Variants in CD163 observed in about 807,000 individuals in gnomAD.
The protein encoded by CD163 is CD163 molecule, also known as scavenger receptor cysteine-rich type 1 protein M130.
CD163 carries 64 observed loss-of-function variants against 129.2 expected under a neutral mutation model. The observed-to-expected ratio is 0.50, with a 90% CI of 0.41 to 0.61. CD163 has a LOEUF of 0.61. Among genes scored for constraint, CD163 ranks in the 20% least tolerant of loss-of-function variants. CD163 has a pLI of 0.00. For synonymous variants in CD163, 446 were observed against 478.5 expected (o/e 0.93, Z 0.89); for missense variants, 1,061 against 1,377.9 (o/e 0.77, Z 3.64).
At chr12:7,480,840 AC>A (rs1378186032) in intron 15 of CD163, 94 of 984,544 alleles carry the variant, frequency 9.5e-5, no homozygotes, top group Non-Finnish European at 1.1e-4. Flanking sequence ...AAAAAGTTAA[AC>A]TGTCACTTAT....
chr12:7,475,636 T>G (rs1032796739), intron 16 of CD163, among the ~76,000 whole-genome samples: 2 of 152,154 alleles, frequency 1.3e-5, no homozygotes, highest in African/African-American at 2.4e-5. Flanking sequence ...AATATAATAT[T>G]GAATGGGCAA....
intron 16 of CD163, among the ~76,000 whole-genome samples, chr12:7,476,012 T>A (rs1197090047): frequency 6.6e-6 from 1 of 152,040 alleles, no homozygotes; most frequent in African/African-American, 2.4e-5. Context: ...ATAAAATACC[T>A]AGGAATACAA....
In CD163 at chr12:7,482,909, A is replaced by G. The variant is rs368093638; in HGVS notation, c.3127+57T>C. 2.0e-4 allele frequency: 314 copies of G among 1,596,592 alleles called. No homozygotes were observed. The Middle Eastern group carries it at 0.013, about 68-fold the overall frequency. ...ACGTCTGACCTAAAATTTCTAAACA[A>G]GAAAAATTCTATGTATGCAGATAAT... On this transcript the variant is annotated intron_variant, in intron 13 of 16. Coordinates refer to ENST00000432237, the MANE Select transcript of CD163 (RefSeq NM_203416.4).
At chr12:7,480,322 T>A (rs1949145079) in intron 15 of CD163, 1 of 204,822 alleles carries the variant, frequency 4.9e-6, no homozygotes, top group African/African-American at 2.4e-5. Context: ...AGTAAAGTCA[T>A]CCTGCCCAGA....
At chr12:7,489,334 A>C (rs1949297541) in intron 6 of CD163, among the ~76,000 whole-genome samples, 1 of 152,106 alleles carries the variant, frequency 6.6e-6, no homozygotes, top group Non-Finnish European at 1.5e-5. Flanking sequence ...TCCTTGCTTC[A>C]AAGTCTTTTT....
chr12:7,474,132 G>T (rs953323537), intron 16 of CD163, among the ~76,000 whole-genome samples: 1 of 152,046 alleles, frequency 6.6e-6, no homozygotes, highest in African/African-American at 2.4e-5. Flanking sequence ...ATAGTAGTGG[G>T]AGACTTTAAA....
In CD163 at chr12:7,497,033, G is replaced by A. The variant is rs763284228; in HGVS notation, c.879C>T (p.Asp293=). 2.4e-5 allele frequency: 39 copies of A among 1,613,842 alleles called. No homozygotes were observed. The highest frequency in any genetic ancestry group is 5.0e-5 in the Admixed American group (3 of 59,988). Reference sequence around the variant, plus strand: ...CAGCAGCATCGTAACTGTCCCAGCCGTCATCACATATTGTCCCCCATTCTC... The same window carrying A: ...CAGCAGCATCGTAACTGTCCCAGCCATCATCACATATTGTCCCCCATTCTC... ...FQGEWGTICD[D]GWDSYDAAVA... Residue 293 remains aspartate (D), a synonymous_variant, in exon 5 of 17, where the codon GAC becomes GAT. Coordinates refer to ENST00000432237, the MANE Select transcript of CD163 (RefSeq NM_203416.4).
chr12:7,501,163 G>T lies in CD163; in HGVS notation c.433C>A (p.Gln145Lys), dbSNP rs994900837. The change falls in exon 3 of 17, where the codon CAA becomes AAA. Residue 145 changes from glutamine to lysine, a missense_variant. Physicochemically the swap from Gln to Lys is moderately conservative, Grantham distance 53. Transcript: ENST00000432237. ...WGKHSNCTHQQDAGVTCSDGS... is the reference protein window; with the variant it reads ...WGKHSNCTHQKDAGVTCSDGS... ...CCTGAGCAGGTCACTCCAGCATCTT[G>T]TTGGTGAGTACAGTTACTATGCTTT... 8.1e-6 allele frequency: 13 copies of T among 1,614,008 alleles called. No homozygotes were observed. Among genetic ancestry groups the T allele is most frequent in the Admixed American group, 6.7e-5 (4 of 60,006 alleles).
At position 7,486,927 on chromosome 12, in the gene CD163, T is replaced by C. The variant is rs762370897; in HGVS notation, c.2110A>G (p.Thr704Ala). The change falls in exon 9 of 17, where the codon ACC (threonine) becomes GCC (alanine). Residue 704 changes from threonine (T) to alanine (A), a missense_variant. Transcript: ENST00000432237. Reference sequence around the variant, plus strand: ...GCCACAGCACTTTCTTCTGGAATGGTAGGCCTTGTTGGGCCCAAAGACGAT... The same window carrying C: ...GCCACAGCACTTTCTTCTGGAATGGCAGGCCTTGTTGGGCCCAAAGACGAT... ...NSSSLGPTRPTIPEESAVACI... is the reference protein window; with the variant it reads ...NSSSLGPTRPAIPEESAVACI... 7 of 1,614,036 alleles carry C rather than the reference T, an allele frequency of 4.3e-6. No homozygotes were observed. Among genetic ancestry groups the C allele is most frequent in the Non-Finnish European group, 5.9e-6 (7 of 1,179,992 alleles).
intron 16 of CD163, among the ~76,000 whole-genome samples, chr12:7,473,723 A>C (rs1949040655): frequency 6.6e-6 from 1 of 152,220 alleles, no homozygotes; most frequent in African/African-American, 2.4e-5. Flanking sequence ...CACACACAAC[A>C]ATATTAACCT....
chr12:7,489,227 C>T (rs1949296176), intron 6 of CD163, among the ~76,000 whole-genome samples: 1 of 152,106 alleles, frequency 6.6e-6, no homozygotes, highest in Non-Finnish European at 1.5e-5. Context: ...TGTTGGTCCT[C>T]CAGCATATTT....
chr12:7,493,129 G>A (rs912027043), intron 6 of CD163, among the ~76,000 whole-genome samples: 1 of 152,224 alleles, frequency 6.6e-6, no homozygotes, highest in Non-Finnish European at 1.5e-5. Flanking sequence ...GCTGACATCA[G>A]CCCTTGATTA....
chr12:7,491,017 C>A (rs1249313733), intron 6 of CD163, among the ~76,000 whole-genome samples: 2 of 151,824 alleles, frequency 1.3e-5, no homozygotes, highest in Non-Finnish European at 2.9e-5. Flanking sequence ...TTTGGACAGC[C>A]CTAAATCTTT....
chr12:7,493,238 T>C (rs1949348985), intron 6 of CD163, among the ~76,000 whole-genome samples: 1 of 152,106 alleles, frequency 6.6e-6, no homozygotes, highest in Non-Finnish European at 1.5e-5. Flanking sequence ...AAACCAAACT[T>C]GGATGTAACT....
rs898908659 is a variant in CD163, at chr12:7,499,110, C to T, written c.536G>A (p.Arg179Gln). Residue 179 changes from arginine (R) to glutamine (Q), a missense_variant, in exon 4 of 17, where the codon CGG becomes CAG. Coordinates refer to ENST00000432237, the MANE Select transcript of CD163 (RefSeq NM_203416.4). ...SGRIEIKFQG[R>Q]WGTVCDDNFN... Reference sequence around the variant, plus strand: ...GTTATCATCACACACTGTTCCCCACCGTCCTTGGAATTTGATCTCTATTCT... The same window carrying T: ...GTTATCATCACACACTGTTCCCCACTGTCCTTGGAATTTGATCTCTATTCT... The T allele has an allele frequency of 2.5e-5, 40 of 1,613,982 alleles. No individual in the cohort carries two copies. The highest frequency in any genetic ancestry group is 1.3e-4 in the Admixed American group (8 of 60,006).
At chr12:7,500,421 CAAAAAAAAA>C (rs71953455) in intron 3 of CD163, among the ~76,000 whole-genome samples, 1 of 64,104 alleles carries the variant, frequency 1.6e-5, no homozygotes, top group Non-Finnish European at 3.1e-5. Flanking sequence ...CAATTCGTCC[CAAAAAAAAA>C]AAAAAAAAAA....
intron 16 of CD163, among the ~76,000 whole-genome samples, chr12:7,475,381 C>T (rs928655862): frequency 2.0e-5 from 3 of 152,124 alleles, no homozygotes; most frequent in African/African-American, 7.2e-5. Context: ...CATTAAAAAG[C>T]TTATCCACCA....
intron 11 of CD163, 166 bp from the exon 12 acceptor site, chr12:7,483,841 A>ATATATATATATATT (rs1442991429): frequency 1.8e-5 from 2 of 109,988 alleles, no homozygotes; most frequent in South Asian, 2.9e-4. Flanking sequence ...ATATATATAT[A>ATATATATATATATT]TTTTTTTTTT....
At chr12:7,488,824 C>T (rs756443636) in intron 6 of CD163, among the ~76,000 whole-genome samples, 3 of 152,176 alleles carry the variant, frequency 2.0e-5, no homozygotes, top group Admixed American at 1.3e-4. Context: ...GACAAGCCCA[C>T]TATATTCTTT....
Sources: allele counts gnomAD v4.1 joint callset (sites outside exome capture counted in the v4.1 genomes callset), GRCh38; gene constraint gnomAD v4.1.1; transcripts MANE v1.5; gene names NCBI Gene and HGNC (gene_info 2026-07-23, HGNC 2026-07-21).